TRHDE: variants seen among roughly 807,000 people sequenced by gnomAD.
TRHDE encodes the protein thyrotropin-releasing hormone-degrading ectoenzyme.
TRHDE carries 72 observed loss-of-function variants against 125.7 expected under a neutral mutation model. The observed-to-expected ratio is 0.57, with a 90% CI of 0.47 to 0.70. The LOEUF is 0.70. Ranked by LOEUF, TRHDE falls within the 30% of genes least tolerant of loss-of-function variation. The probability of loss-of-function intolerance (pLI) is 0.00; values close to 1 mark genes in which losing one functional copy is unlikely to be tolerated. For synonymous variants in TRHDE, 509 were observed against 509.1 expected (o/e 1.00, Z 0.00); for missense variants, 1,110 against 1,327.1 (o/e 0.84, Z 2.54).
rs112130422 is a variant in TRHDE at position 72,416,127 on chromosome 12, T to C, written c.1315+38006T>C. Reference sequence around the variant, plus strand: ...GATAATATCTCATTGTGGTTTTAATTTGCATTTCTCAGATGATTAGTGATG... The same window carrying C: ...GATAATATCTCATTGTGGTTTTAATCTGCATTTCTCAGATGATTAGTGATG... On this transcript the variant is annotated intron_variant, in intron 3 of 18. Coordinates refer to ENST00000261180, the MANE Select transcript of TRHDE (RefSeq NM_013381.3). Among the ~76,000 whole-genome samples the C allele has an allele frequency of 9.5e-3, 1,451 of 152,268 alleles. 30 individuals are homozygous for C. The highest frequency in any genetic ancestry group is 0.033 in the African/African-American group (1,359 of 41,570).
rs570959304 is a variant in TRHDE at position 72,571,016 on chromosome 12, A to C, written c.2131+2360A>C. ...AAATTTTGTAAATACAAAAATCTGCAAAGTTTACAAGAGGCATCTAAAGGA... is the reference window on the plus strand; with the variant it reads ...AAATTTTGTAAATACAAAAATCTGCCAAGTTTACAAGAGGCATCTAAAGGA... On this transcript the variant is annotated intron_variant, in intron 10 of 18. Coordinates refer to ENST00000261180, the MANE Select transcript of TRHDE (RefSeq NM_013381.3). 2.6e-5 allele frequency among the ~76,000 whole-genome samples: 4 copies of C among 152,368 alleles called. No individual in the cohort carries two copies. In the East Asian group the frequency reaches 7.7e-4, roughly 29 times the overall value.
intron 2 of TRHDE, among the ~76,000 whole-genome samples, chr12:72,171,090 C>T (rs1400824458): frequency 6.6e-6 from 1 of 152,146 alleles, no homozygotes; most frequent in Non-Finnish European, 1.5e-5. Flanking sequence ...TGGCCCTTTT[C>T]AGTGTGCCTA....
chr12:72,655,621 A>AT (rs1283276288), intron 17 of TRHDE, among the ~76,000 whole-genome samples: 1 of 152,176 alleles, frequency 6.6e-6, no homozygotes, highest in Non-Finnish European at 1.5e-5. Flanking sequence ...ATACGTGGAA[A>AT]TTATCTGATT....
chr12:72,330,832 G>T (rs1869559654), intron 2 of TRHDE, among the ~76,000 whole-genome samples: 1 of 152,082 alleles, frequency 6.6e-6, no homozygotes, highest in African/African-American at 2.4e-5. Context: ...TTAATCTTTA[G>T]AACAGCGCTT....
chr12:72,272,169 T>C (rs1014558167), upstream of TRHDE: 1 of 454,670 alleles, frequency 2.2e-6, no homozygotes, highest in Admixed American at 2.4e-5. This position sits in a 1 kb window ranked among gnomAD's most constrained non-coding sequence, Gnocchi z 6.7. Context: ...GCCGCTGGAG[T>C]GGGGGGAGAA....
At chr12:72,161,425 C>T (rs1184149730) in intron 2 of TRHDE, among the ~76,000 whole-genome samples, 1 of 145,498 alleles carries the variant, frequency 6.9e-6, no homozygotes, top group Non-Finnish European at 1.5e-5. Context: ...GAGCGAGACT[C>T]CGTCTCAAAA....
At chr12:72,365,770 G>A (rs570279295) in intron 2 of TRHDE, among the ~76,000 whole-genome samples, 26 of 152,270 alleles carry the variant, frequency 1.7e-4, no homozygotes, top group Admixed American at 1.1e-3. Context: ...CATTGCAGCC[G>A]TAAGAAATTT....
Position 72,589,862 on chromosome 12 carries a change from T to G in TRHDE, c.2321+14320T>G, listed in dbSNP as rs187353992. Among the ~76,000 whole-genome samples the G allele has an allele frequency of 4.0e-3, 608 of 152,186 alleles. 4 individuals carry two copies. Among genetic ancestry groups the G allele is most frequent in the Middle Eastern group, 0.014 (4 of 292 alleles). On this transcript the variant is annotated intron_variant, in intron 12 of 18. Coordinates refer to ENST00000261180, the MANE Select transcript of TRHDE (RefSeq NM_013381.3). ...AAGAATCGGTTTCTGGTCTTGTTAATTTTTAAATTATTCTATTTTCTATTT... is the reference window on the plus strand; with the variant it reads ...AAGAATCGGTTTCTGGTCTTGTTAAGTTTTAAATTATTCTATTTTCTATTT...
intron 2 of TRHDE, among the ~76,000 whole-genome samples, chr12:72,106,395 GA>G (rs1875189380): frequency 6.6e-6 from 1 of 152,052 alleles, no homozygotes; most frequent in Non-Finnish European, 1.5e-5. Context: ...AAACAAAAGT[GA>G]AGGAAAAGGG....
At chr12:72,529,577 G>A (rs1024928224) in intron 6 of TRHDE, among the ~76,000 whole-genome samples, 5 of 152,092 alleles carry the variant, frequency 3.3e-5, no homozygotes, top group Admixed American at 6.6e-5. Context: ...ACAGGCTGAC[G>A]TTTGTTTGAA....
At chr12:72,374,483 A>G (rs1301413215) in intron 2 of TRHDE, among the ~76,000 whole-genome samples, 1 of 152,112 alleles carries the variant, frequency 6.6e-6, no homozygotes, top group Non-Finnish European at 1.5e-5. Context: ...TATGGCCATG[A>G]GACTAGATGT....
intron 15 of TRHDE, among the ~76,000 whole-genome samples, chr12:72,634,607 C>T (rs1270722490): frequency 2.6e-5 from 4 of 151,508 alleles, no homozygotes; most frequent in South Asian, 2.1e-4. Flanking sequence ...ACCACTAACT[C>T]GTCATCTAGC....
chr12:72,341,135 T>A (rs1312229631), intron 2 of TRHDE, among the ~76,000 whole-genome samples: 1 of 151,844 alleles, frequency 6.6e-6, no homozygotes, highest in Non-Finnish European at 1.5e-5. Context: ...TCCTTCAGTT[T>A]TTTTTTTTTT....
intron 6 of TRHDE, among the ~76,000 whole-genome samples, chr12:72,513,242 TATTA>T (rs1247801224): frequency 1.3e-5 from 2 of 152,152 alleles, no homozygotes; most frequent in African/African-American, 4.8e-5. Flanking sequence ...TTCAGGGCTT[TATTA>T]ATTAAAGACA....
chr12:72,375,001 G>T lies in TRHDE; in HGVS notation c.1189-2994G>T, dbSNP rs146478622. Among the ~76,000 whole-genome samples the T allele has an allele frequency of 1.7e-3, 257 of 152,250 alleles. 2 individuals are homozygous for T. Among genetic ancestry groups the T allele is most frequent in the South Asian group, 7.0e-3 (34 of 4,826 alleles). Reference sequence around the variant, plus strand: ...TCTGGAAACCATAGCTGGAGGAACTGTAATCAAGAAAGCATAGATTGGTGA... The same window carrying T: ...TCTGGAAACCATAGCTGGAGGAACTTTAATCAAGAAAGCATAGATTGGTGA... On this transcript the variant is annotated intron_variant, in intron 2 of 18. Transcript: ENST00000261180.
At chr12:72,650,206 G>A (rs1016274254) in intron 15 of TRHDE, among the ~76,000 whole-genome samples, 2 of 152,072 alleles carry the variant, frequency 1.3e-5, no homozygotes, top group Non-Finnish European at 2.9e-5. Context: ...CCTTTACAAA[G>A]CACGACGTTT....
intron 2 of TRHDE, among the ~76,000 whole-genome samples, chr12:72,374,093 G>T (rs188591327): frequency 2.4e-4 from 36 of 152,280 alleles, no homozygotes; most frequent in African/African-American, 8.2e-4. Flanking sequence ...CAGGGTGGTA[G>T]TAGTGGGGTT....
At chr12:72,466,769 A>G (rs1876395612) in intron 3 of TRHDE, among the ~76,000 whole-genome samples, 1 of 152,152 alleles carries the variant, frequency 6.6e-6, no homozygotes, top group African/African-American at 2.4e-5. Flanking sequence ...TTCACATCTC[A>G]GATGAAATGT....
intron 2 of TRHDE, among the ~76,000 whole-genome samples, chr12:72,367,295 C>T (rs1274654227): frequency 6.6e-6 from 1 of 152,076 alleles, no homozygotes; most frequent in African/African-American, 2.4e-5. Flanking sequence ...CTCCCTTTGT[C>T]GTTTTCAATC....
Sources: gnomAD v4.1 joint callset for allele counts (sites outside exome capture counted in the v4.1 genomes callset) on GRCh38, gnomAD v4.1.1 for gene constraint, Gnocchi (gnomAD v3.1) non-coding constraint, MANE v1.5 for transcripts, NCBI Gene and HGNC (gene_info 2026-07-23, HGNC 2026-07-21) for gene names.